The following SMARCC1 variants were observed in gnomAD, a reference collection of about 807,000 sequenced individuals.
SMARCC1 encodes SWI/SNF related BAF chromatin remodeling complex subunit C1.
In SMARCC1, 43 loss-of-function variants were observed where a neutral mutation model predicts 147.4. That is an observed-to-expected ratio of 0.29 (90% CI 0.23 to 0.38). The LOEUF is 0.38. Ranked by LOEUF, SMARCC1 falls within the 10% of genes least tolerant of loss-of-function variation. The probability of loss-of-function intolerance (pLI) is 1.00; values close to 1 mark genes in which losing one functional copy is unlikely to be tolerated. For missense variants in SMARCC1, 1,119 were observed against 1,381.1 expected (o/e 0.81, Z 3.01); for synonymous variants, 495 against 484.4 (o/e 1.02, Z -0.29).
At chr3:47,652,980 C>T (rs1233031286) in intron 21 of SMARCC1, among the ~76,000 whole-genome samples, 4 of 134,890 alleles carry the variant, frequency 3.0e-5, no homozygotes, top group Middle Eastern at 5.2e-3. Context: ...GACGGAGTCT[C>T]GCTCTGTCGC....
At chr3:47,684,490 G>A (rs946335519) in intron 14 of SMARCC1, among the ~76,000 whole-genome samples, 2 of 151,326 alleles carry the variant, frequency 1.3e-5, no homozygotes, top group African/African-American at 2.4e-5. Flanking sequence ...GCCCAGGCTG[G>A]AGTACAATGG....
intron 2 of SMARCC1, among the ~76,000 whole-genome samples, chr3:47,755,726 C>T (rs2034688978): frequency 1.3e-5 from 2 of 151,448 alleles, no homozygotes; most frequent in Admixed American, 6.6e-5. Context: ...GGCGCGGTGG[C>T]TCATGTCTGT....
intron 2 of SMARCC1, among the ~76,000 whole-genome samples, chr3:47,764,977 C>T (rs754210083): frequency 1.3e-5 from 2 of 152,094 alleles, no homozygotes; most frequent in Non-Finnish European, 2.9e-5. Flanking sequence ...GGAGGCCAGG[C>T]GCGGTGGCTC....
At chr3:47,691,459 C>G (rs2033787743) in intron 12 of SMARCC1, among the ~76,000 whole-genome samples, 1 of 151,622 alleles carries the variant, frequency 6.6e-6, no homozygotes, top group Non-Finnish European at 1.5e-5. Context: ...ACTAAAAATA[C>G]AAAAATTAGC....
intron 22 of SMARCC1, among the ~76,000 whole-genome samples, chr3:47,636,594 A>C (rs1286428756): frequency 2.6e-5 from 4 of 152,282 alleles, no homozygotes; most frequent in Admixed American, 6.5e-5. Context: ...CTAAAAATAC[A>C]AAAAAGAAAT....
intron 5 of SMARCC1, 64 bp from the exon 6 acceptor site, chr3:47,729,158 G>GATACAAATTCC: frequency 2.1e-6 from 2 of 966,648 alleles, no homozygotes; most frequent in East Asian, 5.0e-5. Context: ...TGAGATTCCA[G>GATACAAATTCC]ATACAAATTC....
intron 2 of SMARCC1, among the ~76,000 whole-genome samples, chr3:47,771,753 C>T (rs1448122415): frequency 6.6e-6 from 1 of 151,388 alleles, no homozygotes; most frequent in Non-Finnish European, 1.5e-5. Context: ...CAAAAAATAA[C>T]ATGATATAAT....
At chr3:47,675,032 G>A (rs2106754285) in intron 18 of SMARCC1, among the ~76,000 whole-genome samples, 1 of 152,222 alleles carries the variant, frequency 6.6e-6, no homozygotes, top group South Asian at 2.1e-4. Context: ...ACCGTGTCCA[G>A]CCTGAACTCT....
At chr3:47,601,231 TTATTG>T (rs1349807347) in intron 26 of SMARCC1, among the ~76,000 whole-genome samples, 3 of 152,060 alleles carry the variant, frequency 2.0e-5, no homozygotes, top group Non-Finnish European at 4.4e-5. Flanking sequence ...TCTCTCAGGT[TTATTG>T]TATCTTTTAC....
intron 2 of SMARCC1, among the ~76,000 whole-genome samples, chr3:47,750,006 C>T (rs1019508640): frequency 4.6e-5 from 7 of 150,684 alleles, no homozygotes; most frequent in East Asian, 3.9e-4. Context: ...AGCATGAACC[C>T]GGGACATGGA....
intron 6 of SMARCC1, among the ~76,000 whole-genome samples, chr3:47,724,625 T>C (rs1335758856): frequency 1.3e-5 from 2 of 152,208 alleles, no homozygotes; most frequent in Admixed American, 6.5e-5. Flanking sequence ...ATTTTATGTG[T>C]GGCCCAAAAC....
chr3:47,666,897 A>G (rs983062619), intron 19 of SMARCC1, among the ~76,000 whole-genome samples: 5 of 152,198 alleles, frequency 3.3e-5, no homozygotes, highest in Non-Finnish European at 7.4e-5. Context: ...ATAGAATGAT[A>G]TATTTCCTGG....
At chr3:47,739,945 C>T (rs948851208) in intron 3 of SMARCC1, among the ~76,000 whole-genome samples, 3 of 151,980 alleles carry the variant, frequency 2.0e-5, no homozygotes, top group Non-Finnish European at 4.4e-5. Flanking sequence ...GGTGTGATCT[C>T]GATTCACCAC....
intron 21 of SMARCC1, among the ~76,000 whole-genome samples, chr3:47,657,223 G>A (rs888218421): frequency 1.3e-5 from 2 of 152,118 alleles, no homozygotes; most frequent in African/African-American, 2.4e-5. Context: ...AGATAAACAA[G>A]GAAGTAGACA....
At chr3:47,700,847 A>C (rs2106786960) in intron 11 of SMARCC1, among the ~76,000 whole-genome samples, 1 of 152,262 alleles carries the variant, frequency 6.6e-6, no homozygotes, top group South Asian at 2.1e-4. Context: ...AATTACATTG[A>C]ATAGAAGTTA....
At chr3:47,714,870 T>C (rs375329343) in intron 7 of SMARCC1, among the ~76,000 whole-genome samples, 101 of 152,274 alleles carry the variant, frequency 6.6e-4, no homozygotes, top group African/African-American at 2.3e-3. Context: ...CAGACACTTT[T>C]GTCCTTACTA....
At chr3:47,668,479 T>C (rs960560233) in intron 19 of SMARCC1, among the ~76,000 whole-genome samples, 2 of 152,184 alleles carry the variant, frequency 1.3e-5, no homozygotes, top group Admixed American at 6.5e-5. Flanking sequence ...ATTTCCAAAA[T>C]TGAAATGTTG....
chr3:47,701,471 G>A, intron 10 of SMARCC1, 69 bp from the exon 11 acceptor site: 1 of 1,365,876 alleles, frequency 7.3e-7, no homozygotes, highest in Non-Finnish European at 1.0e-6. Flanking sequence ...CAGTTTCTGA[G>A]GTTGTACACC....
intron 18 of SMARCC1, among the ~76,000 whole-genome samples, chr3:47,672,224 TC>T (rs200997753): frequency 6.7e-4 from 100 of 149,622 alleles, no homozygotes; most frequent in Admixed American, 6.0e-4. Flanking sequence ...ACTTTTCTTT[TC>T]TTTTTTTGAG....
Sources: gnomAD v4.1 joint callset for allele counts (sites outside exome capture counted in the v4.1 genomes callset) on GRCh38, gnomAD v4.1.1 for gene constraint, MANE v1.5 for transcripts, NCBI Gene and HGNC (gene_info 2026-07-23, HGNC 2026-07-21) for gene names.